Variants in TENM2 observed in about 807,000 individuals in gnomAD.
TENM2 encodes teneurin transmembrane protein 2.
Under a neutral mutation model 245.2 loss-of-function variants are expected in TENM2, and 52 were observed. The observed-to-expected ratio is 0.21, with a 90% CI of 0.17 to 0.27. TENM2 has a LOEUF of 0.27. Among genes scored for constraint, TENM2 ranks in the 10% least tolerant of loss-of-function variants. The pLI is 1.00. For missense variants in TENM2, 3,046 were observed against 3,666.8 expected (o/e 0.83, Z 4.37); for synonymous variants, 1,363 against 1,438.9 (o/e 0.95, Z 1.19).
chr5:166,995,059 A>G, the TENM2 span, among the ~76,000 whole-genome samples: 1 of 152,162 alleles, frequency 6.6e-6, no homozygotes, highest in Admixed American at 6.5e-5. Flanking sequence ...AAAAAGATGG[A>G]TGATTCTTGC....
intron 2 of TENM2, among the ~76,000 whole-genome samples, chr5:167,552,413 C>T (rs1454194396): frequency 6.6e-6 from 1 of 152,116 alleles, no homozygotes; most frequent in African/African-American, 2.4e-5. Context: ...TCTCTGGAGC[C>T]ACTAATATTC....
intron 2 of TENM2, among the ~76,000 whole-genome samples, chr5:167,439,000 G>C (rs2127456792): frequency 6.6e-6 from 1 of 151,580 alleles, no homozygotes; most frequent in South Asian, 2.1e-4. Flanking sequence ...CACTATGTTA[G>C]CCAGGCTAGT....
At chr5:167,617,557 G>T (rs1431742904) in intron 2 of TENM2, among the ~76,000 whole-genome samples, 1 of 152,108 alleles carries the variant, frequency 6.6e-6, no homozygotes, top group African/African-American at 2.4e-5. Flanking sequence ...TTCTGTTTTA[G>T]TAACTGACAT....
the TENM2 span, among the ~76,000 whole-genome samples, chr5:167,157,435 A>C: frequency 2.3e-4 from 35 of 152,304 alleles, no homozygotes; most frequent in South Asian, 2.5e-3. Context: ...CTACCATATT[A>C]TTAGATCATG....
chr5:167,414,544 A>T (rs1360592634), intron 2 of TENM2, among the ~76,000 whole-genome samples: 2 of 152,058 alleles, frequency 1.3e-5, no homozygotes, highest in African/African-American at 2.4e-5. Context: ...GGCGTGATTT[A>T]TGGAGGTAGT....
At chr5:167,749,077 A>G (rs1303551088) in intron 2 of TENM2, among the ~76,000 whole-genome samples, 1 of 152,098 alleles carries the variant, frequency 6.6e-6, no homozygotes, top group Non-Finnish European at 1.5e-5. Context: ...CATTTTTTTA[A>G]AAAATGAAAT....
chr5:167,400,945 G>C (rs1419778894), intron 2 of TENM2, among the ~76,000 whole-genome samples: 1 of 152,060 alleles, frequency 6.6e-6, no homozygotes, highest in African/African-American at 2.4e-5. Context: ...CCTAACAAAG[G>C]CTGGGCGTGG....
intron 2 of TENM2, among the ~76,000 whole-genome samples, chr5:167,762,985 T>A (rs868509901): frequency 6.6e-6 from 1 of 152,202 alleles, no homozygotes; most frequent in African/African-American, 2.4e-5. Flanking sequence ...CCATTATCAC[T>A]GATTACCCAG....
the TENM2 span, among the ~76,000 whole-genome samples, chr5:167,071,884 C>G: frequency 7.0e-6 from 1 of 143,000 alleles, no homozygotes; most frequent in African/African-American, 2.5e-5. Context: ...AATCGCCCCC[C>G]CCCGCCCCCA....
intron 2 of TENM2, among the ~76,000 whole-genome samples, chr5:167,494,277 A>G (rs1429474007): frequency 6.6e-6 from 1 of 152,160 alleles, no homozygotes; most frequent in Non-Finnish European, 1.5e-5. Flanking sequence ...TGCAGAAGAT[A>G]TAACAATTAA....
chr5:167,537,901 A>G (rs757429947), intron 2 of TENM2, among the ~76,000 whole-genome samples: 13 of 152,232 alleles, frequency 8.5e-5, no homozygotes, highest in Non-Finnish European at 1.8e-4. Flanking sequence ...TCTTGTAGAA[A>G]AGTAAGTGGT....
intron 2 of TENM2, among the ~76,000 whole-genome samples, chr5:167,388,239 T>C (rs11959347): frequency 0.35 from 53,286 of 151,986 alleles, 10,124 homozygotes; most frequent in African/African-American, 0.51. Context: ...TGATTTAAGC[T>C]AGGAAGGTTG....
At chr5:167,329,371 C>G (rs1266480376) in intron 1 of TENM2, among the ~76,000 whole-genome samples, 1 of 142,528 alleles carries the variant, frequency 7.0e-6, no homozygotes. Flanking sequence ...TGGTGAAACC[C>G]CATCTCTACT....
At chr5:167,749,723 A>C (rs1399025906) in intron 2 of TENM2, among the ~76,000 whole-genome samples, 1 of 152,102 alleles carries the variant, frequency 6.6e-6, no homozygotes, top group African/African-American at 2.4e-5. Flanking sequence ...CCTGGGACCC[A>C]CATCTTTGAG....
At chr5:167,507,749 T>G (rs1769652877) in intron 2 of TENM2, among the ~76,000 whole-genome samples, 1 of 152,122 alleles carries the variant, frequency 6.6e-6, no homozygotes, top group Admixed American at 6.6e-5. Flanking sequence ...TGTGTATGGG[T>G]TAGTATAGTG....
At chr5:167,473,322 C>A (rs1767155408) in intron 2 of TENM2, among the ~76,000 whole-genome samples, 1 of 152,098 alleles carries the variant, frequency 6.6e-6, no homozygotes, top group Non-Finnish European at 1.5e-5. Context: ...GTCATTGTTT[C>A]TTTACTGGTT....
chr5:168,195,147 T>C (rs1761300137), intron 14 of TENM2, 29 bp from the exon 17 acceptor site: 2 of 1,565,508 alleles, frequency 1.3e-6, no homozygotes, highest in Admixed American at 1.9e-5. Flanking sequence ...TGCATGTGGC[T>C]CAAAGACCTC....
chr5:167,296,079 G>C (rs1454433446), intron 1 of TENM2, among the ~76,000 whole-genome samples: 1 of 152,056 alleles, frequency 6.6e-6, no homozygotes, highest in Non-Finnish European at 1.5e-5. Context: ...TCAAGAATGA[G>C]GGGGGAAAAG....
At chr5:167,137,897 A>C in the TENM2 span, among the ~76,000 whole-genome samples, 2 of 152,220 alleles carry the variant, frequency 1.3e-5, no homozygotes, top group African/African-American at 4.8e-5. Flanking sequence ...AAAATTTGAC[A>C]CCATTGCTTT....
Sources: gnomAD v4.1 joint callset for allele counts (sites outside exome capture counted in the v4.1 genomes callset) on GRCh38, gnomAD v4.1.1 for gene constraint, MANE v1.5 for transcripts, NCBI Gene and HGNC (gene_info 2026-07-23, HGNC 2026-07-21) for gene names.